Variants in CADM2 observed in about 807,000 individuals in gnomAD.
CADM2 encodes the protein cell adhesion molecule 2.
CADM2 carries 12 observed loss-of-function variants against 49.8 expected under a neutral mutation model. The ratio of observed to expected loss-of-function variants is 0.24; its 90% confidence interval spans 0.15 to 0.39. The LOEUF (loss-of-function observed/expected upper bound fraction) is 0.39. Among genes scored for constraint, CADM2 ranks in the 10% least tolerant of loss-of-function variants. The pLI, the probability that CADM2 is intolerant of heterozygous loss-of-function variation, is 1.00. For missense variants in CADM2, 378 were observed against 492.3 expected (o/e 0.77, Z 2.20); for synonymous variants, 214 against 175.4 (o/e 1.22, Z -1.74).
intron 7 of CADM2, among the ~76,000 whole-genome samples, chr3:85,943,179 GTTGT>G (rs553549832): frequency 8.9e-4 from 132 of 148,898 alleles, no homozygotes; most frequent in African/African-American, 3.3e-3. Flanking sequence ...TTTTGATGGG[GTTGT>G]TTGTTTTTTT....
intron 2 of CADM2, among the ~76,000 whole-genome samples, chr3:85,752,824 A>G (rs1285427057): frequency 6.6e-6 from 1 of 152,172 alleles, no homozygotes; most frequent in Non-Finnish European, 1.5e-5. Flanking sequence ...TTTCAGATGA[A>G]TTTAATCATT....
chr3:85,865,517 A>T (rs1345599070), intron 3 of CADM2, among the ~76,000 whole-genome samples: 1 of 152,224 alleles, frequency 6.6e-6, no homozygotes, highest in East Asian at 1.9e-4. Context: ...ATGAGTGTTT[A>T]TTAGTAAAAT....
chr3:85,220,987 A>T (rs1327992094), intron 1 of CADM2, among the ~76,000 whole-genome samples: 1 of 152,194 alleles, frequency 6.6e-6, no homozygotes, highest in Non-Finnish European at 1.5e-5. Flanking sequence ...TGTCATTGTT[A>T]GATGTCTTTA....
intron 1 of CADM2, among the ~76,000 whole-genome samples, chr3:84,992,390 G>A (rs1161923074): frequency 6.6e-6 from 1 of 151,554 alleles, no homozygotes; most frequent in African/African-American, 2.4e-5. Flanking sequence ...TAGTACTTTG[G>A]CAAGCCGAGG....
At chr3:85,465,795 G>A (rs1260761927) in intron 1 of CADM2, among the ~76,000 whole-genome samples, 1 of 152,136 alleles carries the variant, frequency 6.6e-6, no homozygotes, top group East Asian at 1.9e-4. Flanking sequence ...AGAATTAAAT[G>A]AACACAGTGA....
chr3:85,088,232 CA>C (rs1436057513), intron 1 of CADM2, among the ~76,000 whole-genome samples: 2 of 152,068 alleles, frequency 1.3e-5, no homozygotes, highest in African/African-American at 4.8e-5. Flanking sequence ...TTTCCTTATA[CA>C]AAAAGTAATG....
At chr3:85,471,784 C>T (rs1406559268) in intron 1 of CADM2, among the ~76,000 whole-genome samples, 1 of 150,372 alleles carries the variant, frequency 6.7e-6, no homozygotes. Context: ...GACAAAATAT[C>T]ACTGACAGTG....
chr3:85,990,853 G>T (rs1728696565), intron 8 of CADM2, among the ~76,000 whole-genome samples: 1 of 152,108 alleles, frequency 6.6e-6, no homozygotes, highest in South Asian at 2.1e-4. Context: ...CTATGAATAT[G>T]TCTCTCTTGA....
At chr3:85,244,522 A>T (rs2042605853) in intron 1 of CADM2, among the ~76,000 whole-genome samples, 1 of 152,208 alleles carries the variant, frequency 6.6e-6, no homozygotes, top group Non-Finnish European at 1.5e-5. Flanking sequence ...TGTGAAAAAC[A>T]GTTTCTGCAG....
At chr3:85,435,530 C>A (rs1186824690) in intron 1 of CADM2, among the ~76,000 whole-genome samples, 1 of 151,952 alleles carries the variant, frequency 6.6e-6, no homozygotes, top group East Asian at 1.9e-4. Context: ...GGGTATATAC[C>A]CAGTAATGGG....
intron 1 of CADM2, among the ~76,000 whole-genome samples, chr3:85,085,811 T>G (rs2037346924): frequency 6.6e-6 from 1 of 152,148 alleles, no homozygotes; most frequent in Non-Finnish European, 1.5e-5. Flanking sequence ...TTCCGCAAAC[T>G]ATATCATTCT....
intron 1 of CADM2, among the ~76,000 whole-genome samples, chr3:85,359,648 ATATATATATATATATATATTT>A (rs1240888453): frequency 7.3e-5 from 1 of 13,660 alleles, no homozygotes; most frequent in Non-Finnish European, 4.3e-4. Context: ...ATATATATAT[ATATATATATATATATATATTT>A]TTTTTTTTGG....
At chr3:85,487,565 T>C (rs756275563) in intron 1 of CADM2, among the ~76,000 whole-genome samples, 135 of 53,982 alleles carry the variant, frequency 2.5e-3, no homozygotes, top group Non-Finnish European at 8.3e-4. Context: ...GGAGGAGGAA[T>C]AGGAGGAGGA....
chr3:85,488,715 A>G (rs1030416890), intron 1 of CADM2, among the ~76,000 whole-genome samples: 1 of 152,086 alleles, frequency 6.6e-6, no homozygotes, highest in African/African-American at 2.4e-5. Context: ...TATTTTTAGT[A>G]GATACGGGGT....
chr3:85,995,014 T>TTAAAAAAAAA (rs1464055979), intron 8 of CADM2, among the ~76,000 whole-genome samples: 2 of 83,024 alleles, frequency 2.4e-5, no homozygotes, highest in East Asian at 8.7e-4. Flanking sequence ...TTCGATTTGT[T>TTAAAAAAAAA]AAAAAAAAAA....
chr3:85,474,995 G>A (rs888970281), intron 1 of CADM2, among the ~76,000 whole-genome samples: 3 of 151,628 alleles, frequency 2.0e-5, no homozygotes, highest in African/African-American at 7.3e-5. Flanking sequence ...ACACACCACC[G>A]GCACAATCAT....
chr3:85,483,242 A>G (rs973405120), intron 1 of CADM2, among the ~76,000 whole-genome samples: 2 of 151,610 alleles, frequency 1.3e-5, no homozygotes, highest in African/African-American at 4.8e-5. Flanking sequence ...TTTCCAAAAT[A>G]GAAACTCTGT....
intron 2 of CADM2, among the ~76,000 whole-genome samples, chr3:85,767,231 C>A (rs2069703764): frequency 6.6e-6 from 1 of 152,112 alleles, no homozygotes; most frequent in Non-Finnish European, 1.5e-5. Flanking sequence ...TACCATGATG[C>A]ACACCTAACC....
intron 1 of CADM2, among the ~76,000 whole-genome samples, chr3:85,380,990 T>C (rs2107353789): frequency 6.6e-6 from 1 of 152,140 alleles, no homozygotes; most frequent in Non-Finnish European, 1.5e-5. Context: ...CTACGAATGA[T>C]ATTTTAGAAG....
Sources: allele counts gnomAD v4.1 joint callset (sites outside exome capture counted in the v4.1 genomes callset), GRCh38; gene constraint gnomAD v4.1.1; transcripts MANE v1.5; gene names NCBI Gene and HGNC (gene_info 2026-07-23, HGNC 2026-07-21).